Variants in ADCY8 observed in about 807,000 individuals in gnomAD.
The protein encoded by ADCY8 is adenylate cyclase 8.
Under a neutral mutation model 119.7 loss-of-function variants are expected in ADCY8, and 51 were observed. That is an observed-to-expected ratio of 0.43 (90% CI 0.34 to 0.54). ADCY8 has a LOEUF of 0.54. Among genes scored for constraint, ADCY8 ranks in the 20% least tolerant of loss-of-function variants. The probability of loss-of-function intolerance (pLI) is 0.03; values close to 1 mark genes in which losing one functional copy is unlikely to be tolerated. For missense variants in ADCY8, 1,383 were observed against 1,598.8 expected (o/e 0.87, Z 2.30); for synonymous variants, 665 against 651.0 (o/e 1.02, Z -0.33).
intron 1 of ADCY8, among the ~76,000 whole-genome samples, chr8:131,008,471 G>A (rs544205929): frequency 6.6e-6 from 1 of 152,308 alleles, no homozygotes; most frequent in East Asian, 1.9e-4. Context: ...CTGCTGCCCT[G>A]TGAAGAAGTG....
intron 11 of ADCY8, among the ~76,000 whole-genome samples, chr8:130,842,706 T>C (rs1817182606): frequency 6.6e-6 from 1 of 151,516 alleles, no homozygotes. Flanking sequence ...CTACTGAAAA[T>C]AATAATAATA....
chr8:130,829,459 GT>G (rs1263018878), intron 12 of ADCY8, among the ~76,000 whole-genome samples: 1 of 140,886 alleles, frequency 7.1e-6, no homozygotes, highest in African/African-American at 2.5e-5. Flanking sequence ...TTGAAAAGAA[GT>G]TTATAAAGGA....
In ADCY8 at chr8:130,904,018, C is replaced by A; in HGVS notation, c.1665G>T (p.Thr555=). ...IPGRIHISKA[T]LDCLNGDYNV... is the part of the protein sequence containing the mutation. ...TATAGTCACCGTTGAGACAGTCCAG[C>A]GTGGCTTTGGAAATGTGAATCCTCC... is the stretch of plus-strand genomic sequence containing the variant. Residue 555 remains threonine, a synonymous_variant, in exon 7 of 18, where the codon ACG becomes ACT. Coordinates refer to ENST00000286355, the MANE Select transcript of ADCY8 (RefSeq NM_001115.3). The A allele has an allele frequency of 6.2e-7, 1 of 1,613,248 alleles. No homozygotes were observed. The highest frequency in any genetic ancestry group is 1.3e-5 in the African/African-American group (1 of 75,030).
chr8:130,854,360 C>A (rs1817637867), intron 9 of ADCY8, among the ~76,000 whole-genome samples: 1 of 152,192 alleles, frequency 6.6e-6, no homozygotes, highest in African/African-American at 2.4e-5. Context: ...TTATTCTCTG[C>A]AGTCTGTCTT....
intron 13 of ADCY8, among the ~76,000 whole-genome samples, chr8:130,817,850 G>A (rs1188021324): frequency 1.3e-5 from 2 of 152,106 alleles, no homozygotes; most frequent in Non-Finnish European, 1.5e-5. Context: ...CTTTAGTAAC[G>A]TATTCCAGCT....
intron 5 of ADCY8, among the ~76,000 whole-genome samples, chr8:130,924,754 T>C (rs1348023073): frequency 6.6e-6 from 1 of 152,190 alleles, no homozygotes; most frequent in Non-Finnish European, 1.5e-5. Flanking sequence ...TCCATTCTCA[T>C]TGTTGCTCTA....
chr8:130,910,297 C>A (rs2130552590), intron 5 of ADCY8, among the ~76,000 whole-genome samples: 1 of 152,280 alleles, frequency 6.6e-6, no homozygotes, highest in Middle Eastern at 3.4e-3. Flanking sequence ...GGGAATGGCA[C>A]CAGCATCTTT....
chr8:130,790,197 A>C (rs1389315128), intron 15 of ADCY8, among the ~76,000 whole-genome samples: 4 of 152,144 alleles, frequency 2.6e-5, no homozygotes, highest in Non-Finnish European at 5.9e-5. Flanking sequence ...AACTTAAACT[A>C]TACGGTTCTG....
At chr8:130,784,547 A>G (rs1460410708) in intron 16 of ADCY8, among the ~76,000 whole-genome samples, 3 of 152,216 alleles carry the variant, frequency 2.0e-5, no homozygotes, top group South Asian at 2.1e-4. Flanking sequence ...TGTCGACCAT[A>G]TGGTCTTTGT....
At chr8:131,012,149 A>C (rs1486557210) in intron 1 of ADCY8, among the ~76,000 whole-genome samples, 1 of 151,972 alleles carries the variant, frequency 6.6e-6, no homozygotes, top group Non-Finnish European at 1.5e-5. Flanking sequence ...GTCCCACTGA[A>C]CTCTAAACCA....
chr8:130,959,709 G>A (rs898073311), intron 2 of ADCY8, among the ~76,000 whole-genome samples: 6 of 152,236 alleles, frequency 3.9e-5, no homozygotes, highest in African/African-American at 1.4e-4. Flanking sequence ...ATGTACAAAT[G>A]TGTTTATGTG....
chr8:130,927,626 C>T (rs140474548), intron 5 of ADCY8, among the ~76,000 whole-genome samples: 9 of 152,036 alleles, frequency 5.9e-5, no homozygotes, highest in African/African-American at 1.9e-4. Context: ...TATAGAAATG[C>T]TACTTATTTT....
At chr8:131,001,839 C>A (rs1822957196) in intron 1 of ADCY8, among the ~76,000 whole-genome samples, 2 of 152,056 alleles carry the variant, frequency 1.3e-5, no homozygotes, top group South Asian at 4.2e-4. Context: ...GTATTAAAGT[C>A]TTCTATATTT....
chr8:130,843,057 T>C (rs1030900035), intron 11 of ADCY8, among the ~76,000 whole-genome samples: 1 of 152,086 alleles, frequency 6.6e-6, no homozygotes, highest in Non-Finnish European at 1.5e-5. Flanking sequence ...TGTATTCCTA[T>C]ACATATTCTT....
intron 14 of ADCY8, among the ~76,000 whole-genome samples, chr8:130,812,266 T>G (rs1816192399): frequency 6.8e-6 from 1 of 147,524 alleles, no homozygotes; most frequent in African/African-American, 2.6e-5. Flanking sequence ...CCATCGCCCA[T>G]GGAGCTTGAC....
intron 15 of ADCY8, among the ~76,000 whole-genome samples, chr8:130,785,937 G>A (rs1288394450): frequency 6.6e-6 from 1 of 152,142 alleles, no homozygotes; most frequent in African/African-American, 2.4e-5. Context: ...TTGGCCTCAG[G>A]ACTTCTGCAC....
chr8:130,967,464 T>G (rs1478505802), intron 2 of ADCY8, among the ~76,000 whole-genome samples: 1 of 152,170 alleles, frequency 6.6e-6, no homozygotes, highest in Non-Finnish European at 1.5e-5. Context: ...ATCTACAGAG[T>G]GAGAACAATA....
In ADCY8 at chr8:130,939,685, C is replaced by T. The variant is rs117382236; in HGVS notation, c.1354-2485G>A. On this transcript the variant is annotated intron_variant, in intron 4 of 17. Coordinates refer to ENST00000286355, the MANE Select transcript of ADCY8 (RefSeq NM_001115.3). The stretch of plus-strand genomic sequence containing the variant: ...AGCCACTGTATGTGGGTTTCAATTC[C>T]TCATATGTGACAAGTGCCAAAATAA... Among the ~76,000 whole-genome samples, 42 of 152,306 alleles carry T rather than the reference C, an allele frequency of 2.8e-4. 1 individual carries two copies. In the East Asian group the frequency reaches 8.1e-3, roughly 29 times the overall value.
At chr8:130,888,985 G>A (rs1819089192) in intron 7 of ADCY8, among the ~76,000 whole-genome samples, 1 of 152,054 alleles carries the variant, frequency 6.6e-6, no homozygotes, top group South Asian at 2.1e-4. Flanking sequence ...AACCATTTCA[G>A]GTCTTAGGGA....
Sources: gnomAD v4.1 joint callset for allele counts (sites outside exome capture counted in the v4.1 genomes callset) on GRCh38, gnomAD v4.1.1 for gene constraint, MANE v1.5 for transcripts, NCBI Gene and HGNC (gene_info 2026-07-23, HGNC 2026-07-21) for gene names.